Variants in SERPINB6 observed in about 807,000 individuals in gnomAD.
The protein encoded by SERPINB6 is serpin family B member 6, also known as serpin B6.
A neutral mutation model predicts 26.1 loss-of-function variants in SERPINB6; 16 were observed. The observed-to-expected ratio is 0.61, with a 90% CI of 0.42 to 0.93. The LOEUF (loss-of-function observed/expected upper bound fraction) is 0.93, where lower values mean the gene tolerates loss of function less well. Among genes scored for constraint, SERPINB6 ranks in the 40% least tolerant of loss-of-function variants. SERPINB6 has a pLI of 0.00. For missense variants in SERPINB6, 420 were observed against 478.0 expected (o/e 0.88, Z 1.13); for synonymous variants, 174 against 176.6 (o/e 0.99, Z 0.11).
chr6:2,970,507 T>C, intron 1 of SERPINB6: 1 of 1,160,380 alleles, frequency 8.6e-7, no homozygotes, highest in Non-Finnish European at 1.1e-6. Context: ...AACTAGAAGG[T>C]CACTGAACAC....
chr6:2,968,976 C>T, intron 1 of SERPINB6: 9 of 1,220,114 alleles, frequency 7.4e-6, no homozygotes, highest in Non-Finnish European at 9.2e-6. Context: ...CTGTAATCCC[C>T]TCACGTCCCC....
chr6:2,961,317 A>C (rs1273292708), intron 1 of SERPINB6: 1 of 87,166 alleles, frequency 1.1e-5, no homozygotes, highest in African/African-American at 3.2e-5. Flanking sequence ...TAAGATTACT[A>C]ATTTCTAATA....
At chr6:2,955,204 A>G (rs28590323) in intron 3 of SERPINB6, 1 of 163,210 alleles carries the variant, frequency 6.1e-6, no homozygotes, top group Admixed American at 9.6e-5. Flanking sequence ...AAAAAAAAAC[A>G]AAAAAAAAAA....
intron 2 of SERPINB6, chr6:2,957,593 G>C (rs79536569): frequency 6.6e-6 from 1 of 152,320 alleles, no homozygotes; most frequent in Non-Finnish European, 1.5e-5. Flanking sequence ...CCAACAAAGA[G>C]CACTCAGGAT....
rs937031191 is a variant in SERPINB6 at position 2,948,408 on chromosome 6, GCAT to G, written c.1018_1020del (p.Met340del). The stretch of plus-strand genomic sequence containing the variant: ...AAGCGGGGGACGAATCTGGCACACC[GCAT>G]CATCATGATGGCAGCTGTGGCGGCT... On this transcript the variant is annotated inframe_deletion, in exon 7 of 7. Transcript: ENST00000380539. This position sits in a 1 kb window ranked among gnomAD's most constrained non-coding sequence, Gnocchi z 5.0. 1.9e-6 allele frequency: 3 copies of G among 1,614,038 alleles called. No homozygotes were observed. Among genetic ancestry groups the G allele is most frequent in the Admixed American group, 1.7e-5 (1 of 60,006 alleles).
At chr6:2,964,951 G>A (rs1771471769) in intron 1 of SERPINB6, among the ~76,000 whole-genome samples, 1 of 152,124 alleles carries the variant, frequency 6.6e-6, no homozygotes, top group African/African-American at 2.4e-5. Context: ...ATCCTTTAGC[G>A]TCAGCCTCCT....
intron 5 of SERPINB6, 81 bp downstream of exon 5, chr6:2,952,963 A>C (rs1348144595): frequency 8.8e-6 from 14 of 1,592,582 alleles, no homozygotes; most frequent in Non-Finnish European, 1.2e-5. Context: ...GAAAGGCCCC[A>C]CGGCTGCAGA....
At chr6:2,969,787 T>TGG in intron 1 of SERPINB6, 2 of 962,636 alleles carry the variant, frequency 2.1e-6, no homozygotes, top group Non-Finnish European at 2.5e-6. Context: ...TGTGTGTGTG[T>TGG]TGTGTGTGTA....
intron 2 of SERPINB6, 148 bp downstream of exon 2, chr6:2,959,020 T>C: frequency 2.9e-6 from 3 of 1,048,428 alleles, no homozygotes; most frequent in Non-Finnish European, 4.2e-6. Context: ...TGCTCCAGCA[T>C]GGGTGGCATG....
chr6:2,970,733 A>C, intron 1 of SERPINB6: 1 of 1,228,326 alleles, frequency 8.1e-7, no homozygotes, highest in Non-Finnish European at 1.0e-6. Flanking sequence ...ACAAAAAAAA[A>C]AAAAAAAAAA....
chr6:2,961,279 G>A (rs1004526402), intron 1 of SERPINB6: 3 of 151,952 alleles, frequency 2.0e-5, no homozygotes, highest in Non-Finnish European at 4.4e-5. Flanking sequence ...GGGCACTCCT[G>A]GCTTGCCAAG....
intron 2 of SERPINB6, chr6:2,957,263 C>T (rs984788721): frequency 6.6e-6 from 1 of 152,150 alleles, no homozygotes; most frequent in African/African-American, 2.4e-5. Context: ...GCTAAGGGGT[C>T]CAGGAGGAAG....
rs773817659 is a variant in SERPINB6 at position 2,948,323 on chromosome 6, A to G, written c.1106T>C (p.Phe369Ser). 5.0e-6 allele frequency: 8 copies of G among 1,613,900 alleles called. No homozygotes were observed. The Admixed American group carries it at 1.3e-4, about 27-fold the overall frequency. ...TCACGGAGAGGAAAAGCGGCCGCAGAAGAGAATCCCGTTGGTCTTGCTGTG... is the reference window on the plus strand; with the variant it reads ...TCACGGAGAGGAAAAGCGGCCGCAGGAGAGAATCCCGTTGGTCTTGCTGTG... ...IQHSKTNGIL[F>S]CGRFSSP The change falls in exon 7 of 7, where the codon TTC (phenylalanine) becomes TCC (serine). Residue 369 changes from phenylalanine (F) to serine (S), a missense_variant. Phe to Ser is a radical substitution (Grantham distance 155). Transcript: ENST00000380539. This position sits in a 1 kb window ranked among gnomAD's most constrained non-coding sequence, Gnocchi z 5.0.
Position 2,955,647 on chromosome 6 carries a change from G to T in SERPINB6, c.189C>A (p.Gly63=). ...MAQILSFNKS[G]GGGDIHQGFQ... is the part of the protein sequence containing the mutation. ...AGCCCTGGTGGATGTCTCCACCACC[G>T]CCACTTTTATTGAAAGAAAGTATCT... The change falls in exon 3 of 7, where the codon GGC becomes GGA. Residue 63 remains glycine (G), a synonymous_variant. Transcript: ENST00000380539. 2.5e-6 allele frequency: 4 copies of T among 1,614,138 alleles called. No individual in the cohort carries two copies. The highest frequency in any genetic ancestry group is 1.7e-5 in the Admixed American group (1 of 60,016).
chr6:2,969,344 CAT>C, intron 1 of SERPINB6: 2 of 984,486 alleles, frequency 2.0e-6, no homozygotes, highest in African/African-American at 1.7e-5. Context: ...AAGTGTCCTT[CAT>C]ATATATATGT....
chr6:2,969,766 G>A (rs568624801), intron 1 of SERPINB6: 1 of 907,448 alleles, frequency 1.1e-6, no homozygotes. Context: ...TGTGCAGTGT[G>A]TATGTGTGTG....
intron 1 of SERPINB6, chr6:2,968,692 C>G (rs1333849142): frequency 8.1e-7 from 1 of 1,230,284 alleles, no homozygotes; most frequent in East Asian, 3.2e-5. Context: ...TCTTTTGTAC[C>G]TAGACTTTCC....
chr6:2,950,798 C>T (rs926861061), intron 5 of SERPINB6, among the ~76,000 whole-genome samples: 13 of 152,330 alleles, frequency 8.5e-5, no homozygotes, highest in African/African-American at 3.1e-4. Flanking sequence ...CAGTCAAAGA[C>T]GCCGTATGGT....
At chr6:2,951,915 C>T (rs1418941245) in intron 5 of SERPINB6, among the ~76,000 whole-genome samples, 2 of 152,336 alleles carry the variant, frequency 1.3e-5, no homozygotes, top group East Asian at 1.9e-4. Flanking sequence ...CCCTCCCTGC[C>T]ACCGGGACTG....
Sources: gnomAD v4.1 joint callset for allele counts (sites outside exome capture counted in the v4.1 genomes callset) on GRCh38, gnomAD v4.1.1 for gene constraint, Gnocchi (gnomAD v3.1) non-coding constraint, MANE v1.5 for transcripts, NCBI Gene and HGNC (gene_info 2026-07-23, HGNC 2026-07-21) for gene names.